Variants in RPSA2 observed in about 807,000 individuals in gnomAD.
RPSA2 encodes small ribosomal subunit protein uS2B.
At chr19:23,780,976 G>A in the RPSA2 span, among the ~76,000 whole-genome samples, 3 of 152,280 alleles carry the variant, frequency 2.0e-5, no homozygotes, top group African/African-American at 4.8e-5. Context: ...CCACAGTTGG[G>A]TTAGTGACTT....
the RPSA2 span, among the ~76,000 whole-genome samples, chr19:23,760,080 C>T: frequency 1.3e-5 from 2 of 152,202 alleles, no homozygotes; most frequent in South Asian, 4.1e-4. Context: ...TGAGGGGAGG[C>T]CCTAACTCAC....
chr19:23,842,447 T>C, the RPSA2 span: 1 of 152,216 alleles, frequency 6.6e-6, no homozygotes, highest in Non-Finnish European at 1.5e-5. Flanking sequence ...CAGTCTCTTA[T>C]GTAAAACAGA....
At chr19:23,829,068 T>C in the RPSA2 span, among the ~76,000 whole-genome samples, 1 of 152,188 alleles carries the variant, frequency 6.6e-6, no homozygotes, top group Admixed American at 6.5e-5. Context: ...TAAAATATTA[T>C]ACTTTCTGAC....
At chr19:23,833,209 T>C in the RPSA2 span, 1 of 1,180,288 alleles carries the variant, frequency 8.5e-7, no homozygotes. Context: ...AATTTATACT[T>C]GAAAGCAACC....
the RPSA2 span, among the ~76,000 whole-genome samples, chr19:23,805,389 C>A: frequency 5.3e-5 from 8 of 152,100 alleles, no homozygotes; most frequent in Non-Finnish European, 1.2e-4. Flanking sequence ...GTCTCGAACT[C>A]CCTACCTCAA....
the RPSA2 span, among the ~76,000 whole-genome samples, chr19:23,856,783 C>G: frequency 6.6e-6 from 1 of 152,096 alleles, no homozygotes; most frequent in Non-Finnish European, 1.5e-5. Context: ...ACCTGAGCCA[C>G]AAAACCAGCA....
the RPSA2 span, among the ~76,000 whole-genome samples, chr19:23,801,309 G>C: frequency 8.0e-6 from 1 of 124,680 alleles, no homozygotes; most frequent in Non-Finnish European, 1.7e-5. Flanking sequence ...GCGTGATCTC[G>C]GCTCACTGCA....
the RPSA2 span, among the ~76,000 whole-genome samples, chr19:23,867,553 G>T: frequency 6.6e-6 from 1 of 152,088 alleles, no homozygotes; most frequent in Non-Finnish European, 1.5e-5. Context: ...GACTGGGGCC[G>T]GGTGCGGTGG....
chr19:23,789,354 A>G, the RPSA2 span, among the ~76,000 whole-genome samples: 2 of 152,116 alleles, frequency 1.3e-5, no homozygotes, highest in Non-Finnish European at 2.9e-5. Flanking sequence ...ATCCCTGACC[A>G]GGTACCTAGG....
the RPSA2 span, among the ~76,000 whole-genome samples, chr19:23,787,950 G>A: frequency 6.6e-6 from 1 of 152,154 alleles, no homozygotes; most frequent in Non-Finnish European, 1.5e-5. Context: ...TTGTCCGTAG[G>A]TTAGATTGCA....
chr19:23,781,570 C>T, the RPSA2 span, among the ~76,000 whole-genome samples: 1 of 151,758 alleles, frequency 6.6e-6, no homozygotes, highest in African/African-American at 2.4e-5. Context: ...AACTCCTGAC[C>T]TCAAGTGATC....
chr19:23,857,621 G>A, the RPSA2 span, among the ~76,000 whole-genome samples: 1 of 149,840 alleles, frequency 6.7e-6, no homozygotes. Flanking sequence ...CTCCCAAGTA[G>A]TTGGGATTAC....
the RPSA2 span, among the ~76,000 whole-genome samples, chr19:23,823,182 C>T: frequency 6.6e-6 from 1 of 152,132 alleles, no homozygotes; most frequent in East Asian, 1.9e-4. Flanking sequence ...TTCCATAGTC[C>T]CCGAATAACC....
the RPSA2 span, among the ~76,000 whole-genome samples, chr19:23,766,268 G>A: frequency 2.8e-5 from 4 of 141,986 alleles, no homozygotes; most frequent in South Asian, 9.4e-4. Flanking sequence ...TTCTCCCACC[G>A]CAGCCTCCCG....
chr19:23,862,836 T>G, the RPSA2 span, among the ~76,000 whole-genome samples: 1 of 151,900 alleles, frequency 6.6e-6, no homozygotes, highest in African/African-American at 2.4e-5. Context: ...GGGTCTCTAT[T>G]CCCTCATCTT....
At chr19:23,816,239 T>G in the RPSA2 span, among the ~76,000 whole-genome samples, 121 of 152,220 alleles carry the variant, frequency 7.9e-4, 1 homozygote, top group Middle Eastern at 0.034. Flanking sequence ...ACTCAGAAGA[T>G]TCTCTCATTT....
the RPSA2 span, among the ~76,000 whole-genome samples, chr19:23,780,352 T>G: frequency 2.0e-5 from 3 of 152,186 alleles, no homozygotes; most frequent in East Asian, 5.8e-4. Context: ...CAGTTAAAAC[T>G]GTGACTATCG....
the RPSA2 span, among the ~76,000 whole-genome samples, chr19:23,788,737 T>C: frequency 6.6e-6 from 1 of 152,134 alleles, no homozygotes; most frequent in African/African-American, 2.4e-5. Context: ...TATTGTTACA[T>C]ATTATTGGGT....
the RPSA2 span, among the ~76,000 whole-genome samples, chr19:23,851,538 A>G: frequency 6.6e-6 from 1 of 152,216 alleles, no homozygotes; most frequent in African/African-American, 2.4e-5. Context: ...AATTATCAAT[A>G]TGTTTAATAG....
Sources: gnomAD v4.1 joint callset for allele counts (sites outside exome capture counted in the v4.1 genomes callset) on GRCh38, gnomAD v4.1.1 for gene constraint, MANE v1.5 for transcripts, NCBI Gene and HGNC (gene_info 2026-07-23, HGNC 2026-07-21) for gene names.